The following NAALADL2 variants were observed in gnomAD, a reference collection of about 807,000 sequenced individuals.
NAALADL2 encodes the protein inactive N-acetylated-alpha-linked acidic dipeptidase-like protein 2.
Under a neutral mutation model 87.2 loss-of-function variants are expected in NAALADL2, and 76 were observed. The observed-to-expected ratio is 0.87, with a 90% CI of 0.72 to 1.05. The LOEUF is 1.05. Among genes scored for constraint, NAALADL2 ranks in the 50% least tolerant of loss-of-function variants. The probability of loss-of-function intolerance (pLI) is 0.00; values close to 1 mark genes in which losing one functional copy is unlikely to be tolerated. For synonymous variants in NAALADL2, 354 were observed against 331.0 expected, an observed-to-expected ratio of 1.07 and a Z score of -0.75; for missense variants, 1,089 against 945.8, an observed-to-expected ratio of 1.15 and a Z score of -1.99.
chr3:175,341,583 A>G (rs775991454), intron 5 of NAALADL2, among the ~76,000 whole-genome samples: 19 of 152,110 alleles, frequency 1.2e-4, no homozygotes, highest in Non-Finnish European at 2.8e-4. Flanking sequence ...GAACTGACAA[A>G]CTGTTTTCTA....
At chr3:175,671,528 AT>A (rs1188624101) in intron 11 of NAALADL2, among the ~76,000 whole-genome samples, 2 of 151,958 alleles carry the variant, frequency 1.3e-5, no homozygotes, top group African/African-American at 2.4e-5. Flanking sequence ...TTACTTACAT[AT>A]TTGTTTCTTG....
intron 5 of NAALADL2, among the ~76,000 whole-genome samples, chr3:175,371,474 A>G (rs1581625131): frequency 6.6e-6 from 1 of 151,938 alleles, no homozygotes; most frequent in African/African-American, 2.4e-5. Flanking sequence ...TCACCGTGTT[A>G]GTCAAGATAT....
At chr3:175,288,588 T>C (rs1560296296) in intron 4 of NAALADL2, among the ~76,000 whole-genome samples, 1 of 152,166 alleles carries the variant, frequency 6.6e-6, no homozygotes, top group Non-Finnish European at 1.5e-5. Flanking sequence ...CTTTTCTTGC[T>C]GCTCCTTAGT....
intron 7 of NAALADL2, among the ~76,000 whole-genome samples, chr3:175,466,415 T>C (rs553873977): frequency 6.6e-6 from 1 of 152,302 alleles, no homozygotes; most frequent in African/African-American, 2.4e-5. Flanking sequence ...ATAAAATATG[T>C]AAAAGGCAAC....
upstream of NAALADL2, among the ~76,000 whole-genome samples, chr3:174,855,881 C>CATATGAATATATATACACATAG (rs1375116238): frequency 3.8e-4 from 53 of 141,202 alleles, no homozygotes; most frequent in South Asian, 8.8e-4. Context: ...TATATACATA[C>CATATGAATATATATACACATAG]ATATGAATAT....
intron 1 of NAALADL2, 65 bp downstream of exon 1, chr3:174,859,515 CAA>C: frequency 7.3e-7 from 1 of 1,360,802 alleles, no homozygotes; most frequent in Non-Finnish European, 1.0e-6. Context: ...GTGTTGATTA[CAA>C]AGTCTGTGTG....
At chr3:174,723,656 T>C (rs1277099474) in intron 2 of NAALADL2, among the ~76,000 whole-genome samples, 1 of 145,166 alleles carries the variant, frequency 6.9e-6, no homozygotes, top group African/African-American at 2.5e-5. Flanking sequence ...CTTGGAAGGC[T>C]GAGGCAGGAG....
intron 2 of NAALADL2, among the ~76,000 whole-genome samples, chr3:174,710,850 G>A (rs1439272920): frequency 3.3e-5 from 5 of 152,146 alleles, no homozygotes; most frequent in Admixed American, 1.3e-4. Context: ...TCAGCCTAGC[G>A]AGAGCCTTGA....
chr3:175,173,749 C>A (rs1326733772), intron 2 of NAALADL2, among the ~76,000 whole-genome samples: 1 of 152,188 alleles, frequency 6.6e-6, no homozygotes, highest in Non-Finnish European at 1.5e-5. Context: ...CAGTTGCAAG[C>A]ACGTTTATTA....
In NAALADL2 at chr3:175,806,793, A is replaced by G. The variant is rs895782303; in HGVS notation, c.*3590A>G. The G allele has an allele frequency of 3.4e-5, 5 of 149,232 alleles. No individual in the cohort carries two copies. Among genetic ancestry groups the G allele is most frequent in the African/African-American group, 1.2e-4 (5 of 40,656 alleles). The allele number at this position is 149,232 out of a possible 1,614,324, so 9.2% of individuals were successfully genotyped here. Reference sequence around the variant, plus strand: ...CACAGTTCCAAAGCTAATAAAAATGATGAGGCATATTTCTCTTCTGGGCCC... The same window carrying G: ...CACAGTTCCAAAGCTAATAAAAATGGTGAGGCATATTTCTCTTCTGGGCCC... On this transcript the variant is annotated 3_prime_UTR_variant, in exon 14 of 14. Transcript: ENST00000454872.
At chr3:174,441,644 A>G (rs967323159) in intron 1 of NAALADL2, among the ~76,000 whole-genome samples, 13 of 152,122 alleles carry the variant, frequency 8.5e-5, no homozygotes, top group African/African-American at 2.9e-4. Flanking sequence ...GTTCTACCCT[A>G]ACGTCTGGCT....
chr3:174,905,695 T>C (rs1732874692), intron 1 of NAALADL2, among the ~76,000 whole-genome samples: 1 of 152,048 alleles, frequency 6.6e-6, no homozygotes. Context: ...TGACACTGTT[T>C]TGTGGGAGAG....
At chr3:175,318,204 C>T (rs1759393764) in intron 4 of NAALADL2, among the ~76,000 whole-genome samples, 1 of 151,922 alleles carries the variant, frequency 6.6e-6, no homozygotes, top group African/African-American at 2.4e-5. Context: ...TATCAACAGA[C>T]AAATGTTTAT....
chr3:175,190,923 A>G (rs983421374), intron 2 of NAALADL2, among the ~76,000 whole-genome samples: 1 of 148,840 alleles, frequency 6.7e-6, no homozygotes. Flanking sequence ...GCTTGCAGTG[A>G]GCCGAGATGG....
chr3:174,672,703 C>A (rs1726677104), intron 2 of NAALADL2, among the ~76,000 whole-genome samples: 1 of 152,032 alleles, frequency 6.6e-6, no homozygotes, highest in Middle Eastern at 3.4e-3. Context: ...TGAAGGTGCT[C>A]AGGGAGTAAA....
chr3:174,573,192 T>G (rs888928015), intron 2 of NAALADL2, among the ~76,000 whole-genome samples: 1 of 152,226 alleles, frequency 6.6e-6, no homozygotes, highest in Non-Finnish European at 1.5e-5. Context: ...GGGGTGCTGG[T>G]AAATGTCTCA....
chr3:175,592,539 C>T (rs971424098), intron 10 of NAALADL2, among the ~76,000 whole-genome samples: 8 of 152,018 alleles, frequency 5.3e-5, no homozygotes, highest in Non-Finnish European at 1.2e-4. Flanking sequence ...GTTTTATACA[C>T]CATGGAATAC....
At chr3:175,660,637 T>TG (rs1475193086) in intron 11 of NAALADL2, among the ~76,000 whole-genome samples, 2 of 152,098 alleles carry the variant, frequency 1.3e-5, no homozygotes, top group African/African-American at 4.8e-5. Flanking sequence ...TTTGTACCTG[T>TG]TAACCAATTT....
intron 2 of NAALADL2, among the ~76,000 whole-genome samples, chr3:175,194,135 A>G (rs1334868502): frequency 1.3e-5 from 2 of 151,892 alleles, no homozygotes; most frequent in Admixed American, 1.3e-4. Context: ...CATGTTATAG[A>G]AGCAGATGTT....
Sources: gnomAD v4.1 joint callset for allele counts (sites outside exome capture counted in the v4.1 genomes callset) on GRCh38, gnomAD v4.1.1 for gene constraint, MANE v1.5 for transcripts, NCBI Gene and HGNC (gene_info 2026-07-23, HGNC 2026-07-21) for gene names.